The following PRR12 variants were observed in gnomAD, a reference collection of about 807,000 sequenced individuals.
PRR12 encodes the protein proline-rich protein 12.
Under a neutral mutation model 138.0 loss-of-function variants are expected in PRR12, and 12 were observed. The ratio of observed to expected loss-of-function variants is 0.09; its 90% confidence interval spans 0.06 to 0.14. The LOEUF is 0.14. Ranked by LOEUF, PRR12 falls within the 10% of genes least tolerant of loss-of-function variation. The probability of loss-of-function intolerance (pLI) is 1.00; values close to 1 mark genes in which losing one functional copy is unlikely to be tolerated. For missense variants in PRR12, 2,692 were observed against 2,861.3 expected, an observed-to-expected ratio of 0.94 and a Z score of 1.35; for synonymous variants, 1,567 against 1,291.7, an observed-to-expected ratio of 1.21 and a Z score of -4.57.
chr19:49,619,001 G>A (rs1427951468), intron 9 of PRR12, among the ~76,000 whole-genome samples: 1 of 151,962 alleles, frequency 6.6e-6, no homozygotes, highest in African/African-American at 2.4e-5. Context: ...GGTGTTGGAG[G>A]CCCAGTGTGG....
rs1167956226 is a variant in PRR12, at chr19:49,614,625, G to A, written c.4866G>A (p.Gln1622=). ...QKFTPEIKDG[Q]RQFCATSNYL... ...TCACTCCGGAGATCAAGGACGGCCA[G>A]AGGCAGTTTTGTGCCACCAGTAATG... The change falls in exon 7 of 14, where the codon CAG becomes CAA. Residue 1622 remains glutamine, a synonymous_variant. Transcript: ENST00000418929. The surrounding 1 kb of genome is among the most constrained non-coding windows in gnomAD (Gnocchi z 5.0). 5 of 1,562,724 alleles carry A rather than the reference G, an allele frequency of 3.2e-6. No homozygotes were observed. In the East Asian group the frequency reaches 7.2e-5, roughly 22 times the overall value.
At chr19:49,612,211 A>G (rs1359093303) in intron 6 of PRR12, among the ~76,000 whole-genome samples, 1 of 147,526 alleles carries the variant, frequency 6.8e-6, no homozygotes, top group East Asian at 2.1e-4. Context: ...GCCTGGCGAC[A>G]GAGCAAGACT....
At chr19:49,608,452 C>G (rs1320575966) in intron 6 of PRR12, among the ~76,000 whole-genome samples, 1 of 152,082 alleles carries the variant, frequency 6.6e-6, no homozygotes, top group Non-Finnish European at 1.5e-5. Context: ...AGCGATTCTT[C>G]TCCTTAGCCT....
rs562557158 is a variant in PRR12, at chr19:49,595,091, C to G, written c.756C>G (p.Ser252=). 6.2e-7 allele frequency: 1 copy of G among 1,611,580 alleles called. No homozygotes were observed. The highest frequency in any genetic ancestry group is 8.5e-7 in the Non-Finnish European group (1 of 1,179,604). The change falls in exon 4 of 14, where the codon TCC becomes TCG. Residue 252 remains serine (S), a synonymous_variant. Transcript: ENST00000418929. ...AGTTCAACCTGCTGGCTTCCTCTTC[C>G]GCTGCCGCCGCCGCTGCCGAGCAGT... The part of the protein sequence containing the change: ...PTQFNLLASS[S]AAAAAAEQSS...
At chr19:49,615,398 A>T (rs1395262344) in intron 8 of PRR12, among the ~76,000 whole-genome samples, 3 of 151,062 alleles carry the variant, frequency 2.0e-5, no homozygotes, top group Non-Finnish European at 4.4e-5. Context: ...ACAGAGACTC[A>T]CAGAAGGCTA....
In PRR12 at chr19:49,624,912, T is replaced by G; in HGVS notation, c.5790T>G (p.Ala1930=). 6.2e-7 allele frequency: 1 copy of G among 1,607,034 alleles called. No homozygotes were observed. The highest frequency in any genetic ancestry group is 8.5e-7 in the Non-Finnish European group (1 of 1,176,470). Residue 1930 remains alanine, a synonymous_variant, in exon 12 of 14, where the codon GCT becomes GCG. Coordinates refer to ENST00000418929, the MANE Select transcript of PRR12 (RefSeq NM_020719.3). ...GGGAGGGCTCTCCGGAAGAGGGGGCTGTGCGGCTGCGGCCTGCTGGGGAAC... is the reference window on the plus strand; with the variant it reads ...GGGAGGGCTCTCCGGAAGAGGGGGCGGTGCGGCTGCGGCCTGCTGGGGAAC... ...QSGEGSPEEG[A]VRLRPAGEPY...
At position 49,616,352 on chromosome 19, in the gene PRR12, A is replaced by C. The variant is rs2122359861; in HGVS notation, c.5497+133A>C. 452 of 782,744 alleles carry C rather than the reference A, an allele frequency of 5.8e-4. No individual in the cohort carries two copies. Among genetic ancestry groups the C allele is most frequent in the Non-Finnish European group, 7.8e-4 (410 of 527,742 alleles). The allele number at this position is 782,744 out of a possible 1,614,324, so 48.5% of individuals were successfully genotyped here. On this transcript the variant is annotated intron_variant, in intron 9 of 13. Transcript: ENST00000418929. This position sits in a 1 kb window ranked among gnomAD's most constrained non-coding sequence, Gnocchi z 4.2. ...ATGTTACAGATAATGGCAGTAGCTC[A>C]CAGTCACGGGGCATCTCACTACACG...
chr19:49,593,008 C>T (rs2080739717), intron 1 of PRR12, among the ~76,000 whole-genome samples: 1 of 152,098 alleles, frequency 6.6e-6, no homozygotes, highest in African/African-American at 2.4e-5. Flanking sequence ...GGAGGGCTCT[C>T]ATTTGCAAAT....
In PRR12 at chr19:49,595,652, G is replaced by A; in HGVS notation, c.1317G>A (p.Gly439=). ...AGGCCTCTGGGGCTGGAGGGGCAGG[G>A]GGCCAGGCTTATTCCCCCGGTCAGC... ...TGKASGAGGA[G]GQAYSPGQPQ... The change falls in exon 4 of 14, where the codon GGG becomes GGA. Residue 439 remains glycine (G), a synonymous_variant. Transcript: ENST00000418929. 6.2e-7 allele frequency: 1 copy of A among 1,603,354 alleles called. No individual in the cohort carries two copies. Among genetic ancestry groups the A allele is most frequent in the East Asian group, 2.2e-5 (1 of 44,800 alleles).
At chr19:49,620,589 G>A (rs1261398538) in intron 10 of PRR12, 112 bp downstream of exon 10, 3 of 1,437,140 alleles carry the variant, frequency 2.1e-6, no homozygotes, top group African/African-American at 1.4e-5. Flanking sequence ...GGACTCCTGA[G>A]TCTGAGGGAA....
Position 49,591,706 on chromosome 19 carries a change from G to A in PRR12, c.52G>A (p.Ala18Thr). Reference protein sequence around the residue: ...AGFGDPLGAGAGWSYERSAKA... With the variant: ...AGFGDPLGAGTGWSYERSAKA... ...CTTCGGGGACCCGCTCGGCGCCGGG[G>A]CGGGATGGAGTTACGAGAGGTCAGC... Residue 18 changes from alanine to threonine, a missense_variant, in exon 1 of 14, where the codon GCG becomes ACG. Around this residue, in one of 11 missense-constraint regions of PRR12, gnomAD observed 211 missense variants for 266.3 expected, o/e 0.79. Coordinates refer to ENST00000418929, the MANE Select transcript of PRR12 (RefSeq NM_020719.3). 1 of 1,513,942 alleles carries A rather than the reference G, an allele frequency of 6.6e-7. No individual in the cohort carries two copies. Among genetic ancestry groups the A allele is most frequent in the Non-Finnish European group, 8.8e-7 (1 of 1,131,564 alleles). 93.8% of individuals were successfully genotyped at this position (1,513,942 alleles called of 1,614,324 possible).
At chr19:49,612,120 A>T (rs539450157) in intron 6 of PRR12, among the ~76,000 whole-genome samples, 2 of 149,884 alleles carry the variant, frequency 1.3e-5, no homozygotes, top group Admixed American at 1.3e-4. Context: ...AGTCCCAGCT[A>T]TTCGGGAGGC....
intron 6 of PRR12, among the ~76,000 whole-genome samples, chr19:49,609,964 G>A (rs1021513607): frequency 6.6e-6 from 1 of 151,938 alleles, no homozygotes; most frequent in African/African-American, 2.4e-5. Flanking sequence ...GGACCCTGCA[G>A]TTTTCTTTTT....
chr19:49,596,402 G>C lies in PRR12; in HGVS notation c.2067G>C (p.Glu689Asp). 1 of 1,607,106 alleles carries C rather than the reference G, an allele frequency of 6.2e-7. No individual in the cohort carries two copies. Among genetic ancestry groups the C allele is most frequent in the Non-Finnish European group, 8.5e-7 (1 of 1,179,104 alleles). Residue 689 changes from glutamate (E) to aspartate (D), a missense_variant, in exon 4 of 14, where the codon GAG becomes GAC. By Grantham distance (45) the Glu-to-Asp change is conservative. This residue lies in a region of PRR12 where 840 missense variants were observed against 689.8 expected (regional missense o/e 1.22). Coordinates refer to ENST00000418929, the MANE Select transcript of PRR12 (RefSeq NM_020719.3). The surrounding 1 kb of genome is among the most constrained non-coding windows in gnomAD (Gnocchi z 5.6). ...GGGGACCACCGGGTACACCCTACGAGTTGGCCAAGGAAGACCCCCAGAGGT... is the reference window on the plus strand; with the variant it reads ...GGGGACCACCGGGTACACCCTACGACTTGGCCAAGGAAGACCCCCAGAGGT... The part of the protein sequence containing the change: ...GAGGPPGTPY[E>D]LAKEDPQRYH...
Position 49,599,589 on chromosome 19 carries a change from G to A in PRR12, c.3996G>A (p.Val1332=), listed in dbSNP as rs540493743. Residue 1332 remains valine (V), a synonymous_variant, in exon 5 of 14, where the codon GTG becomes GTA. Transcript: ENST00000418929. The surrounding 1 kb of genome is among the most constrained non-coding windows in gnomAD (Gnocchi z 5.0). ...CCCAGCCCCCTGCCACCCCTGCTGT[G>A]CCACATCCCCCACCTTCCGGAGCCT... ...LQPQPPATPA[V]PHPPPSGAFG... The A allele has an allele frequency of 5.0e-6, 8 of 1,596,600 alleles. No homozygotes were observed. In the South Asian group the frequency reaches 7.8e-5, roughly 16 times the overall value.
At position 49,596,281 on chromosome 19, in the gene PRR12, C is replaced by T. The variant is rs371012654; in HGVS notation, c.1946C>T (p.Ala649Val). Residue 649 changes from alanine to valine, a missense_variant, in exon 4 of 14, where the codon GCG becomes GTG. By Grantham distance (64) the Ala-to-Val change is moderately conservative (BLOSUM62 0). Transcript: ENST00000418929. This position sits in a 1 kb window ranked among gnomAD's most constrained non-coding sequence, Gnocchi z 5.6. ...EEFLIQHLLQ[A>V]PSPPRTSGAD... is the part of the protein sequence containing the mutation. Reference sequence around the variant, plus strand: ...TTCCTTATCCAGCACCTCTTGCAGGCGCCCAGCCCTCCTCGGACCTCAGGG... The same window carrying T: ...TTCCTTATCCAGCACCTCTTGCAGGTGCCCAGCCCTCCTCGGACCTCAGGG... The T allele has an allele frequency of 1.5e-4, 242 of 1,611,134 alleles. No homozygotes were observed. Among genetic ancestry groups the T allele is most frequent in the Non-Finnish European group, 1.9e-4 (222 of 1,179,512 alleles).
At chr19:49,600,884 C>T (rs1000725287) in intron 5 of PRR12, among the ~76,000 whole-genome samples, 8 of 152,088 alleles carry the variant, frequency 5.3e-5, no homozygotes, top group Non-Finnish European at 1.0e-4. Flanking sequence ...ACCACCATGC[C>T]CAGCTAATTT....
rs1426475578 is a variant in PRR12, at chr19:49,597,406, C to T, written c.3071C>T (p.Ala1024Val). 6.5e-7 allele frequency: 1 copy of T among 1,537,678 alleles called. No individual in the cohort carries two copies. The highest frequency in any genetic ancestry group is 8.7e-7 in the Non-Finnish European group (1 of 1,146,454). Residue 1024 changes from alanine (A) to valine (V), a missense_variant, in exon 4 of 14, where the codon GCC becomes GTC. Ala to Val is a moderately conservative substitution (Grantham distance 64, BLOSUM62 0). Coordinates refer to ENST00000418929, the MANE Select transcript of PRR12 (RefSeq NM_020719.3). This position sits in a 1 kb window ranked among gnomAD's most constrained non-coding sequence, Gnocchi z 6.3. ...KPPELPSTVN[A>V]EPLGLIQSGP... ...CCTGAACTGCCCTCCACGGTCAACG[C>T]CGAGCCGCTGGGCCTGATCCAGAGT...
chr19:49,603,281 C>G (rs767404186), intron 6 of PRR12, among the ~76,000 whole-genome samples: 1 of 152,130 alleles, frequency 6.6e-6, no homozygotes. Context: ...AGGAGGTCAG[C>G]CCATTCTCAC....
Sources: allele counts gnomAD v4.1 joint callset (sites outside exome capture counted in the v4.1 genomes callset), GRCh38; gene constraint gnomAD v4.1.1; regional missense constraint gnomAD v4.1.1; non-coding constraint Gnocchi (gnomAD v3.1); transcripts MANE v1.5; gene names NCBI Gene and HGNC (gene_info 2026-07-23, HGNC 2026-07-21).